The following NKAIN2 variants were observed in gnomAD, a reference collection of about 807,000 sequenced individuals.
The protein encoded by NKAIN2 is sodium/potassium-transporting ATPase subunit beta-1-interacting protein 2.
A neutral mutation model predicts 32.6 loss-of-function variants in NKAIN2; 14 were observed. The ratio of observed to expected loss-of-function variants is 0.43; its 90% CI spans 0.28 to 0.67. The LOEUF (loss-of-function observed/expected upper bound fraction) is 0.67. Among genes scored for constraint, NKAIN2 ranks in the 30% least tolerant of loss-of-function variants. NKAIN2 has a pLI of 0.17. For missense variants in NKAIN2, 198 were observed against 258.3 expected (o/e 0.77, Z 1.60); for synonymous variants, 80 against 87.2 (o/e 0.92, Z 0.46).
chr6:123,942,665 A>AG (rs1776875065), intron 1 of NKAIN2, among the ~76,000 whole-genome samples: 1 of 151,958 alleles, frequency 6.6e-6, no homozygotes, highest in African/African-American at 2.4e-5. Flanking sequence ...GCCAAAGCTG[A>AG]AGGACATCTC....
intron 1 of NKAIN2, among the ~76,000 whole-genome samples, chr6:123,991,255 C>T (rs777797183): frequency 5.9e-5 from 9 of 152,202 alleles, no homozygotes; most frequent in Non-Finnish European, 1.3e-4. Flanking sequence ...TTAATGAGTA[C>T]ATAAACACTT....
intron 4 of NKAIN2, among the ~76,000 whole-genome samples, chr6:124,780,570 A>G (rs780328330): frequency 1.3e-5 from 2 of 152,208 alleles, no homozygotes; most frequent in Non-Finnish European, 2.9e-5. Context: ...ATGGAAGAGT[A>G]AAGGGGAGCC....
intron 1 of NKAIN2, among the ~76,000 whole-genome samples, chr6:124,141,140 G>A (rs115807368): frequency 0.011 from 1,650 of 152,184 alleles, 34 homozygotes; most frequent in African/African-American, 0.038. Context: ...ACCATTTGTC[G>A]TTCAAAGATA....
At chr6:124,154,858 T>C (rs1416921659) in intron 1 of NKAIN2, among the ~76,000 whole-genome samples, 2 of 152,000 alleles carry the variant, frequency 1.3e-5, no homozygotes, top group African/African-American at 4.8e-5. Flanking sequence ...AATACAAAAA[T>C]AAATATTCCA....
intron 1 of NKAIN2, among the ~76,000 whole-genome samples, chr6:124,095,925 A>C (rs1385492322): frequency 6.6e-6 from 1 of 152,166 alleles, no homozygotes; most frequent in African/African-American, 2.4e-5. Flanking sequence ...GATAGTGTAC[A>C]TGTGTATATC....
At chr6:124,708,741 G>C (rs1048466068) in intron 4 of NKAIN2, among the ~76,000 whole-genome samples, 6 of 152,034 alleles carry the variant, frequency 3.9e-5, no homozygotes, top group Non-Finnish European at 5.9e-5. Flanking sequence ...AGTTTGGGCT[G>C]AGACAATGGG....
chr6:124,217,500 TG>T (rs1791541069), intron 1 of NKAIN2, among the ~76,000 whole-genome samples: 1 of 152,120 alleles, frequency 6.6e-6, no homozygotes. Flanking sequence ...AAAAACGATC[TG>T]TACAATGGAA....
intron 1 of NKAIN2, among the ~76,000 whole-genome samples, chr6:124,217,346 G>C (rs1346290209): frequency 6.6e-6 from 1 of 151,686 alleles, no homozygotes; most frequent in Admixed American, 6.6e-5. Flanking sequence ...TAAAAATAAA[G>C]TTTTGATAAT....
chr6:124,656,244 T>G (rs1784534732), intron 3 of NKAIN2, among the ~76,000 whole-genome samples: 1 of 152,248 alleles, frequency 6.6e-6, no homozygotes, highest in African/African-American at 2.4e-5. Context: ...TACTTCCAGA[T>G]AATAACAAGT....
intron 4 of NKAIN2, among the ~76,000 whole-genome samples, chr6:124,704,322 G>A (rs928077086): frequency 4.7e-4 from 72 of 151,816 alleles, no homozygotes; most frequent in African/African-American, 1.6e-3. Context: ...AAGAAATACA[G>A]AGCATTGGTC....
intron 4 of NKAIN2, among the ~76,000 whole-genome samples, chr6:124,679,851 TAGA>T (rs1773533898): frequency 1.3e-5 from 2 of 152,200 alleles, no homozygotes; most frequent in Admixed American, 6.5e-5. Context: ...ATGGAAAAAG[TAGA>T]AGTAGTGACC....
chr6:123,970,287 G>A (rs1365016203), intron 1 of NKAIN2, among the ~76,000 whole-genome samples: 1 of 152,120 alleles, frequency 6.6e-6, no homozygotes, highest in Non-Finnish European at 1.5e-5. Context: ...GGTAAGGCTG[G>A]TATGTATATG....
chr6:123,898,497 A>T (rs1421840735), intron 1 of NKAIN2, among the ~76,000 whole-genome samples: 1 of 151,716 alleles, frequency 6.6e-6, no homozygotes, highest in East Asian at 1.9e-4. Flanking sequence ...TGATTCATTA[A>T]TCAACATTGT....
intron 3 of NKAIN2, among the ~76,000 whole-genome samples, chr6:124,646,186 ACT>A (rs1490006583): frequency 1.3e-5 from 2 of 152,160 alleles, no homozygotes; most frequent in Non-Finnish European, 2.9e-5. Context: ...TAATTTTAAA[ACT>A]CTGATAATTC....
At chr6:124,326,617 C>CACTTTACACCTTACTATTTACT in intron 2 of NKAIN2, among the ~76,000 whole-genome samples, 1 of 152,282 alleles carries the variant, frequency 6.6e-6, no homozygotes, top group Middle Eastern at 3.4e-3. Flanking sequence ...ACCCTTACCT[C>CACTTTACACCTTACTATTTACT]CAGGGTTCTA....
In NKAIN2 at chr6:123,866,049, C is replaced by CT. The variant is rs1315948566; in HGVS notation, c.54+61796dup. Reference sequence around the variant, plus strand: ...AGGATACCATAGGTAGTTTTGGAGTCTATCTCCCTAGTATAAACCATAATG... The same window carrying CT: ...AGGATACCATAGGTAGTTTTGGAGTCTTATCTCCCTAGTATAAACCATAATG... On this transcript the variant is annotated intron_variant, in intron 1 of 6. Coordinates refer to ENST00000368417, the MANE Select transcript of NKAIN2 (RefSeq NM_001040214.3). Among the ~76,000 whole-genome samples, 3 of 152,208 alleles carry CT rather than the reference C, an allele frequency of 2.0e-5. No individual in the cohort carries two copies. In the East Asian group the frequency reaches 5.8e-4, roughly 29 times the overall value.
At chr6:124,015,088 A>G (rs1780500853) in intron 1 of NKAIN2, among the ~76,000 whole-genome samples, 1 of 152,194 alleles carries the variant, frequency 6.6e-6, no homozygotes, top group African/African-American at 2.4e-5. Context: ...TTTAATTCAG[A>G]TCACAACTAG....
At chr6:124,201,682 G>T (rs914828512) in intron 1 of NKAIN2, among the ~76,000 whole-genome samples, 2 of 151,904 alleles carry the variant, frequency 1.3e-5, no homozygotes, top group African/African-American at 4.8e-5. Context: ...TCAGTCCTGT[G>T]GCCATACATA....
chr6:124,549,066 G>A (rs1459155509), intron 3 of NKAIN2, among the ~76,000 whole-genome samples: 1 of 151,956 alleles, frequency 6.6e-6, no homozygotes, highest in Non-Finnish European at 1.5e-5. Flanking sequence ...GGAGAAATGA[G>A]GTCAAAGGTG....
Sources: allele counts gnomAD v4.1 joint callset (sites outside exome capture counted in the v4.1 genomes callset), GRCh38; gene constraint gnomAD v4.1.1; transcripts MANE v1.5; gene names NCBI Gene and HGNC (gene_info 2026-07-23, HGNC 2026-07-21).